The following PLEKHG6 variants were observed in gnomAD, a reference collection of about 807,000 sequenced individuals.
The protein encoded by PLEKHG6 is pleckstrin homology and RhoGEF domain containing G6, also known as pleckstrin homology domain-containing family G member 6.
In PLEKHG6, 91 loss-of-function variants were observed where a neutral mutation model predicts 97.5. The ratio of observed to expected loss-of-function variants is 0.93; its 90% confidence interval spans 0.79 to 1.11. The LOEUF is 1.11. Among genes scored for constraint, PLEKHG6 ranks in the 50% most tolerant of loss-of-function variants. The pLI, the probability that PLEKHG6 is intolerant of heterozygous loss-of-function variation, is 0.00. For synonymous variants in PLEKHG6, 466 were observed against 425.5 expected (o/e 1.10, Z -1.17); for missense variants, 1,044 against 1,031.0 (o/e 1.01, Z -0.17).
Position 6,316,459 on chromosome 12 carries a change from G to A in PLEKHG6, c.756+55G>A, listed in dbSNP as rs1395391967. On this transcript the variant is annotated intron_variant, in intron 7 of 15. Transcript: ENST00000684764. This position sits in a 1 kb window ranked among gnomAD's most constrained non-coding sequence, Gnocchi z 4.1. ...GGGGCAGGACTCGGAGCCCTCGGGG[G>A]TCCTGTGTGTAGGGCATGCCCACAG... 2.0e-6 allele frequency: 3 copies of A among 1,485,142 alleles called. No individual in the cohort carries two copies. Among genetic ancestry groups the A allele is most frequent in the Non-Finnish European group, 2.7e-6 (3 of 1,103,530 alleles). 92.0% of individuals were successfully genotyped at this position (1,485,142 alleles called of 1,614,324 possible).
At position 6,318,875 on chromosome 12, in the gene PLEKHG6, C is replaced by T. The variant is rs1166912489; in HGVS notation, c.1406C>T (p.Pro469Leu). 2 of 1,614,244 alleles carry T rather than the reference C, an allele frequency of 1.2e-6. No homozygotes were observed. Among genetic ancestry groups the T allele is most frequent in the African/African-American group, 2.7e-5 (2 of 75,072 alleles). Reference sequence around the variant, plus strand: ...CTCGTGTGCCAACCCCTGCGAGACCCCAGTACGTCCTTCCTTCAGGGAGTC... The same window carrying T: ...CTCGTGTGCCAACCCCTGCGAGACCTCAGTACGTCCTTCCTTCAGGGAGTC... Reference protein sequence around the residue: ...EKLVCQPLRDPNSFLLIHLTE... With the variant: ...EKLVCQPLRDLNSFLLIHLTE... The change falls in exon 12 of 16, where the codon CCC (proline) becomes CTC (leucine). Residue 469 changes from proline to leucine, a missense_variant and splice_region_variant. By Grantham distance (98) the Pro-to-Leu change is moderately conservative (BLOSUM62 -3). Coordinates refer to ENST00000684764, the MANE Select transcript of PLEKHG6 (RefSeq NM_001384598.1).
In PLEKHG6 at chr12:6,312,353, T is replaced by A. The variant is rs112557734; in HGVS notation, c.127T>A (p.Tyr43Asn). 6.7e-4 allele frequency: 1,060 copies of A among 1,584,684 alleles called. No individual in the cohort carries two copies. Among genetic ancestry groups the A allele is most frequent in the Non-Finnish European group, 8.5e-4 (995 of 1,168,188 alleles). Residue 43 changes from tyrosine (Y) to asparagine (N), a missense_variant, in exon 2 of 16, where the codon TAC (tyrosine) becomes AAC (asparagine). Coordinates refer to ENST00000684764, the MANE Select transcript of PLEKHG6 (RefSeq NM_001384598.1). ...STAGRLYPRG[Y>N]PVLDPSRRRL... Reference sequence around the variant, plus strand: ...TGCTGGCAGACTCTATCCCCGAGGATACCCTGTGCTGGTGAGTCCAGGCTG... The same window carrying A: ...TGCTGGCAGACTCTATCCCCGAGGAAACCCTGTGCTGGTGAGTCCAGGCTG...
At chr12:6,313,184 C>T (rs1452384360) in intron 2 of PLEKHG6, 1 of 1,550,018 alleles carries the variant, frequency 6.5e-7, no homozygotes, top group East Asian at 2.4e-5. Context: ...GAAGGCTGCA[C>T]ATGTGAGTGC....
chr12:6,317,914 G>C lies in PLEKHG6; in HGVS notation c.1075G>C (p.Glu359Gln). 4 of 1,565,148 alleles carry C rather than the reference G, an allele frequency of 2.6e-6. No individual in the cohort carries two copies. The highest frequency in any genetic ancestry group is 1.7e-4 in the Middle Eastern group (1 of 6,028). The change falls in exon 10 of 16, where the codon GAG becomes CAG. Residue 359 changes from glutamate (E) to glutamine (Q), a missense_variant. Physicochemically the swap from Glu to Gln is conservative, Grantham distance 29. Transcript: ENST00000684764. ...HINGQVRQGE[E>Q]QESLAAAAQR... is the part of the protein sequence containing the mutation. ...CAATGGGCAGGTCCGCCAGGGCGAA[G>C]AGCAAGAGAGCTTGGCGGCTGCAGC...
At chr12:6,318,036 C>G in intron 10 of PLEKHG6, 42 bp downstream of exon 10, 5 of 1,548,196 alleles carry the variant, frequency 3.2e-6, no homozygotes, top group Non-Finnish European at 4.4e-6. Flanking sequence ...AGCAAGGTCC[C>G]AGGGATACTG....
intron 1 of PLEKHG6, among the ~76,000 whole-genome samples, chr12:6,311,813 G>A (rs1302387826): frequency 1.3e-5 from 2 of 151,222 alleles, no homozygotes; most frequent in Non-Finnish European, 2.9e-5. Flanking sequence ...ATATCTAGGT[G>A]CAAGGAGAAC....
intron 14 of PLEKHG6, 116 bp downstream of exon 14, chr12:6,326,689 C>T: frequency 6.8e-6 from 7 of 1,026,178 alleles, no homozygotes; most frequent in South Asian, 2.0e-5. Context: ...GGAACGCAGG[C>T]GTAGGGCAGG....
chr12:6,313,686 G>T lies in PLEKHG6; in HGVS notation c.196G>T (p.Ala66Ser), dbSNP rs746629523. Reference protein sequence around the residue: ...YVPFARGSGQARGLSPMRLRD... With the variant: ...YVPFARGSGQSRGLSPMRLRD... Reference sequence around the variant, plus strand: ...CCCCTTTGCCAGGGGTTCTGGCCAGGCCCGAGGCCTGTCACCCATGAGACT... The same window carrying T: ...CCCCTTTGCCAGGGGTTCTGGCCAGTCCCGAGGCCTGTCACCCATGAGACT... The change falls in exon 3 of 16, where the codon GCC (alanine) becomes TCC (serine). Residue 66 changes from alanine (A) to serine (S), a missense_variant. Transcript: ENST00000684764. 2 of 1,613,986 alleles carry T rather than the reference G, an allele frequency of 1.2e-6. No homozygotes were observed. The highest frequency in any genetic ancestry group is 1.7e-6 in the Non-Finnish European group (2 of 1,179,968).
intron 13 of PLEKHG6, among the ~76,000 whole-genome samples, chr12:6,321,203 G>A (rs1025406299): frequency 6.6e-6 from 1 of 151,964 alleles, no homozygotes; most frequent in Non-Finnish European, 1.5e-5. Flanking sequence ...GCATCTTTTT[G>A]TGGAGACAGG....
chr12:6,323,570 A>T (rs73259266), intron 13 of PLEKHG6, among the ~76,000 whole-genome samples: 5,314 of 152,298 alleles, frequency 0.035, 321 homozygotes, highest in African/African-American at 0.12. Flanking sequence ...ATGCCCAGGG[A>T]CTGAGAAGAG....
chr12:6,318,237 C>T (rs1165671197), intron 10 of PLEKHG6, 64 bp from the exon 11 acceptor site: 1 of 1,608,826 alleles, frequency 6.2e-7, no homozygotes, highest in African/African-American at 1.3e-5. Flanking sequence ...CCAGGAGCCG[C>T]CCTTGGCCAG....
At chr12:6,326,074 A>AG (rs1368256688) in intron 13 of PLEKHG6, among the ~76,000 whole-genome samples, 10 of 152,270 alleles carry the variant, frequency 6.6e-5, no homozygotes, top group Admixed American at 2.0e-4. Flanking sequence ...TGGGAGGCCA[A>AG]GGGGGGTGGA....
chr12:6,314,476 C>T (rs981641014), intron 3 of PLEKHG6, among the ~76,000 whole-genome samples: 10 of 151,834 alleles, frequency 6.6e-5, no homozygotes, highest in Non-Finnish European at 4.4e-5. Context: ...CACTGCACTC[C>T]AGCCTGGGTG....
chr12:6,327,226 G>A (rs781397588), intron 14 of PLEKHG6, 28 bp from the exon 15 acceptor site: 43 of 1,417,850 alleles, frequency 3.0e-5, no homozygotes, highest in South Asian at 2.2e-4. Flanking sequence ...TGACCCCTAC[G>A]CATCTGACTC....
rs1406178069 is a variant in PLEKHG6 at position 6,327,757 on chromosome 12, C to T, written c.2174C>T (p.Ala725Val). Residue 725 changes from alanine (A) to valine (V), a missense_variant, in exon 15 of 16, where the codon GCT becomes GTT. By Grantham distance (64) the Ala-to-Val change is moderately conservative. Coordinates refer to ENST00000684764, the MANE Select transcript of PLEKHG6 (RefSeq NM_001384598.1). Reference protein sequence around the residue: ...EEEEGPLFLKAGHTSLRPMRA... With the variant: ...EEEEGPLFLKVGHTSLRPMRA... The stretch of plus-strand genomic sequence containing the variant: ...GAAGAGGGGCCTCTGTTCCTGAAAG[C>T]TGGCCACACATCCCTGCGCCCAATG... 1.9e-6 allele frequency: 3 copies of T among 1,544,800 alleles called. No homozygotes were observed. Among genetic ancestry groups the T allele is most frequent in the Non-Finnish European group, 2.6e-6 (3 of 1,149,554 alleles).
upstream of PLEKHG6, chr12:6,310,567 G>A (rs1170543939): frequency 1.3e-5 from 2 of 152,400 alleles, no homozygotes; most frequent in Admixed American, 6.5e-5. Flanking sequence ...TGTCCTCTCC[G>A]GGGAAGGCGG....
intron 3 of PLEKHG6, among the ~76,000 whole-genome samples, chr12:6,314,607 G>T (rs896808959): frequency 5.3e-5 from 8 of 152,170 alleles, no homozygotes; most frequent in African/African-American, 1.9e-4. Flanking sequence ...GAGACCACTG[G>T]TTCTCTAAGT....
At position 6,317,547 on chromosome 12, in the gene PLEKHG6, T is replaced by A. The variant is rs1473736902; in HGVS notation, c.868T>A (p.Trp290Arg). ...TGAGCCCCACCCACCTTCCCTGCAG[T>A]GGTGTGAGAAGCACAAGCGCTCTGG... ...TNPLFHAFVQ[W>R]CEKHKRSGRQ... Residue 290 changes from tryptophan (W) to arginine (R), a missense_variant and splice_region_variant, in exon 9 of 16, where the codon TGG becomes AGG. Coordinates refer to ENST00000684764, the MANE Select transcript of PLEKHG6 (RefSeq NM_001384598.1). 1 of 1,613,240 alleles carries A rather than the reference T, an allele frequency of 6.2e-7. No homozygotes were observed. Among genetic ancestry groups the A allele is most frequent in the Non-Finnish European group, 8.5e-7 (1 of 1,179,816 alleles).
At chr12:6,312,675 C>G in intron 2 of PLEKHG6, 1 of 1,198,050 alleles carries the variant, frequency 8.3e-7, no homozygotes, top group Non-Finnish European at 1.0e-6. Flanking sequence ...CTGGCGCCTC[C>G]CAGGCTCCCG....
Sources: gnomAD v4.1 joint callset for allele counts (sites outside exome capture counted in the v4.1 genomes callset) on GRCh38, gnomAD v4.1.1 for gene constraint, Gnocchi (gnomAD v3.1) non-coding constraint, MANE v1.5 for transcripts, NCBI Gene and HGNC (gene_info 2026-07-23, HGNC 2026-07-21) for gene names.